Variants in ROBO1 observed in about 807,000 individuals in gnomAD.
The protein encoded by ROBO1 is roundabout guidance receptor 1.
A neutral mutation model predicts 195.9 loss-of-function variants in ROBO1; 149 were observed. The observed-to-expected ratio is 0.76, with a 90% CI of 0.67 to 0.87. The LOEUF (loss-of-function observed/expected upper bound fraction) is 0.87, where lower values mean the gene tolerates loss of function less well. Among genes scored for constraint, ROBO1 ranks in the 40% least tolerant of loss-of-function variants. The pLI, the probability that ROBO1 is intolerant of heterozygous loss-of-function variation, is 0.00. For missense variants in ROBO1, 1,933 were observed against 2,068.3 expected (o/e 0.93, Z 1.27); for synonymous variants, 816 against 733.2 (o/e 1.11, Z -1.82).
At chr3:79,581,861 A>C (rs1338658671) in intron 2 of ROBO1, among the ~76,000 whole-genome samples, 1 of 152,102 alleles carries the variant, frequency 6.6e-6, no homozygotes, top group East Asian at 1.9e-4. Context: ...TTTACATTGA[A>C]AGAACAAATC....
In ROBO1 at chr3:79,304,371, G is replaced by T. The variant is rs184187814; in HGVS notation, c.89-178832C>A. ...CAGTTAAAAAAAATACTATATTGAGGTATAATTGACCTGCAATAGACTGCG... is the reference window on the plus strand; with the variant it reads ...CAGTTAAAAAAAATACTATATTGAGTTATAATTGACCTGCAATAGACTGCG... On this transcript the variant is annotated intron_variant, in intron 2 of 30. Coordinates refer to ENST00000464233, the MANE Select transcript of ROBO1 (RefSeq NM_002941.4). Among the ~76,000 whole-genome samples the T allele has an allele frequency of 2.8e-4, 42 of 152,130 alleles. 1 individual carries two copies. The highest frequency in any genetic ancestry group is 4.3e-4 in the Non-Finnish European group (29 of 67,984).
chr3:79,598,743 C>A (rs1944254239), intron 1 of ROBO1, among the ~76,000 whole-genome samples: 1 of 151,896 alleles, frequency 6.6e-6, no homozygotes, highest in Non-Finnish European at 1.5e-5. Context: ...GCTTAGATCC[C>A]CCTACTACAA....
chr3:79,095,468 C>T (rs1036165321), intron 3 of ROBO1, among the ~76,000 whole-genome samples: 3 of 152,008 alleles, frequency 2.0e-5, no homozygotes, highest in African/African-American at 7.2e-5. Context: ...CCACTGGTGA[C>T]TAGCTATGTG....
chr3:79,344,250 T>C (rs2035022430), intron 2 of ROBO1, among the ~76,000 whole-genome samples: 1 of 152,166 alleles, frequency 6.6e-6, no homozygotes, highest in African/African-American at 2.4e-5. Flanking sequence ...TCCAAGGTGA[T>C]TTTGTCTTTT....
chr3:79,262,563 A>C (rs1483794600), intron 2 of ROBO1, among the ~76,000 whole-genome samples: 2 of 152,062 alleles, frequency 1.3e-5, no homozygotes, highest in African/African-American at 4.8e-5. Context: ...AAATAAAGGA[A>C]GTATAAACTT....
At chr3:79,668,739 C>A (rs369098470) in intron 1 of ROBO1, among the ~76,000 whole-genome samples, 10 of 151,818 alleles carry the variant, frequency 6.6e-5, no homozygotes, top group African/African-American at 2.4e-4. Flanking sequence ...AACAGACTGA[C>A]TTGGCAACCT....
At chr3:79,382,804 T>A (rs1024075815) in intron 2 of ROBO1, among the ~76,000 whole-genome samples, 1 of 152,140 alleles carries the variant, frequency 6.6e-6, no homozygotes, top group Non-Finnish European at 1.5e-5. Context: ...TCCTCTATTC[T>A]CAATTCCTTG....
chr3:78,693,710 A>G (rs1275194677), intron 8 of ROBO1, among the ~76,000 whole-genome samples: 6 of 152,234 alleles, frequency 3.9e-5, no homozygotes, highest in Non-Finnish European at 7.3e-5. Context: ...TTAAAACATT[A>G]TAAATCTTAG....
intron 4 of ROBO1, among the ~76,000 whole-genome samples, chr3:78,909,125 A>G (rs1478771099): frequency 4.0e-5 from 6 of 151,850 alleles, no homozygotes; most frequent in African/African-American, 7.2e-5. Context: ...GGAGCTCTCC[A>G]TTGCGGAAAT....
chr3:78,916,035 A>ACTC (rs2038546552), intron 4 of ROBO1, among the ~76,000 whole-genome samples: 1 of 146,096 alleles, frequency 6.8e-6, no homozygotes, highest in African/African-American at 2.5e-5. Context: ...GCGGATCACG[A>ACTC]GGTCAGGAAA....
chr3:78,977,360 C>T (rs947112651), intron 3 of ROBO1, among the ~76,000 whole-genome samples: 1 of 152,052 alleles, frequency 6.6e-6, no homozygotes, highest in Admixed American at 6.6e-5. Context: ...TTACTCTCTT[C>T]TTCAAGATAT....
chr3:79,608,023 C>G (rs775268555), intron 1 of ROBO1, among the ~76,000 whole-genome samples: 2 of 151,906 alleles, frequency 1.3e-5, no homozygotes, highest in Non-Finnish European at 2.9e-5. Context: ...TCAATTAGTA[C>G]GATTTCATCA....
At chr3:79,224,894 G>A (rs913510320) in intron 2 of ROBO1, among the ~76,000 whole-genome samples, 3 of 152,096 alleles carry the variant, frequency 2.0e-5, no homozygotes, top group Non-Finnish European at 2.9e-5. Context: ...AAATAAATAC[G>A]TAAATCATAT....
chr3:79,745,932 C>T (rs1393369), intron 1 of ROBO1, among the ~76,000 whole-genome samples: 49,764 of 151,772 alleles, frequency 0.33, 9,535 homozygotes, highest in Middle Eastern at 0.52. Flanking sequence ...GTTCTCTTCA[C>T]GTAAAGGCAT....
chr3:78,945,699 C>T (rs576816301), intron 3 of ROBO1, among the ~76,000 whole-genome samples: 2 of 152,174 alleles, frequency 1.3e-5, no homozygotes, highest in East Asian at 3.9e-4. Flanking sequence ...GAGAAGAAGG[C>T]TTCAGACGAT....
At chr3:78,826,058 G>A (rs1440926209) in intron 4 of ROBO1, among the ~76,000 whole-genome samples, 1 of 152,110 alleles carries the variant, frequency 6.6e-6, no homozygotes, top group Non-Finnish European at 1.5e-5. Context: ...CAGAGCTATA[G>A]CATATTTTAC....
intron 4 of ROBO1, among the ~76,000 whole-genome samples, chr3:78,893,095 T>A (rs556287254): frequency 3.3e-5 from 5 of 152,316 alleles, no homozygotes; most frequent in Non-Finnish European, 7.3e-5. Flanking sequence ...GTTCTTGACA[T>A]CTCAAGATAA....
intron 2 of ROBO1, among the ~76,000 whole-genome samples, chr3:79,376,299 A>G (rs1200429798): frequency 6.6e-6 from 1 of 152,176 alleles, no homozygotes; most frequent in Non-Finnish European, 1.5e-5. Context: ...CTAGGCATCT[A>G]CAATGCTTGT....
intron 2 of ROBO1, among the ~76,000 whole-genome samples, chr3:79,250,422 G>A (rs1424478167): frequency 6.6e-6 from 1 of 152,092 alleles, no homozygotes; most frequent in Non-Finnish European, 1.5e-5. Context: ...CTGAGTACCT[G>A]GTTGAAACAC....
Sources: gnomAD v4.1 joint callset for allele counts (sites outside exome capture counted in the v4.1 genomes callset) on GRCh38, gnomAD v4.1.1 for gene constraint, MANE v1.5 for transcripts, NCBI Gene and HGNC (gene_info 2026-07-23, HGNC 2026-07-21) for gene names.